Variants in CCNJL observed in about 807,000 individuals in gnomAD.
The protein encoded by CCNJL is cyclin J like, also known as cyclin-J-like protein.
CCNJL carries 33 observed loss-of-function variants against 33.4 expected under a neutral mutation model. The observed-to-expected ratio is 0.99, with a 90% CI of 0.75 to 1.32. CCNJL has a LOEUF of 1.32. CCNJL is among the 40% of genes most tolerant of loss of function. The probability of loss-of-function intolerance (pLI) is 0.00; values close to 1 mark genes in which losing one functional copy is unlikely to be tolerated. For synonymous variants in CCNJL, 227 were observed against 220.9 expected (o/e 1.03, Z -0.24); for missense variants, 512 against 499.7 (o/e 1.02, Z -0.23).
chr5:160,334,663 G>T (rs1057110354), intron 1 of CCNJL, among the ~76,000 whole-genome samples: 1 of 152,182 alleles, frequency 6.6e-6, no homozygotes, highest in Non-Finnish European at 1.5e-5. Flanking sequence ...TGATACTCAG[G>T]ACCACTACAC....
intron 1 of CCNJL, among the ~76,000 whole-genome samples, chr5:160,325,830 T>C (rs1763527441): frequency 6.6e-6 from 1 of 152,162 alleles, no homozygotes. Context: ...GTGGGCCAAA[T>C]CTGACCTGGA....
At chr5:160,307,580 G>A (rs1763131156) in intron 2 of CCNJL, among the ~76,000 whole-genome samples, 1 of 152,154 alleles carries the variant, frequency 6.6e-6, no homozygotes, top group Admixed American at 6.5e-5. Flanking sequence ...GCACAGACTT[G>A]GTTACCAGAA....
chr5:160,252,127 A>G lies in CCNJL; in HGVS notation c.*1251T>C, dbSNP rs1760831007. On this transcript the variant is annotated 3_prime_UTR_variant, in exon 6 of 6. Coordinates refer to ENST00000257536, the MANE Select transcript of CCNJL (RefSeq NM_001308173.3). ...GTGAACAATGTGTCCCCCAACCCCA[A>G]ACTAAACCAAAGAACATGCTGAGCA... 6.6e-6 allele frequency: 1 copy of G among 152,662 alleles called. No individual in the cohort carries two copies. The highest frequency in any genetic ancestry group is 1.5e-5 in the Non-Finnish European group (1 of 68,048). The allele number at this position is 152,662 out of a possible 1,614,324, so 9.5% of individuals were successfully genotyped here. A position where few individuals can be genotyped will look rare whatever the true frequency, so the allele number is the denominator to read the frequency against.
upstream of CCNJL, among the ~76,000 whole-genome samples, chr5:160,316,721 T>C (rs1763385270): frequency 6.6e-6 from 1 of 152,250 alleles, no homozygotes; most frequent in African/African-American, 2.4e-5. Context: ...CTACACATCC[T>C]TGTGTGCCTT....
At chr5:160,264,587 A>G (rs888429486) in intron 3 of CCNJL, among the ~76,000 whole-genome samples, 9 of 151,954 alleles carry the variant, frequency 5.9e-5, no homozygotes, top group African/African-American at 9.7e-5. Context: ...CACATAATAT[A>G]AAGTTTACCA....
rs749186098 is a variant in CCNJL, at chr5:160,280,594, T to C, written c.211A>G (p.Met71Val). Residue 71 changes from methionine to valine, a missense_variant, in exon 3 of 6, where the codon ATG becomes GTG. Coordinates refer to ENST00000257536, the MANE Select transcript of CCNJL (RefSeq NM_001308173.3). ...GAGGTGGTGACGTTGTAGCGATCCATGAAGTGGTCCAGCAGGTAGACGGCC... is the reference window on the plus strand; with the variant it reads ...GAGGTGGTGACGTTGTAGCGATCCACGAAGTGGTCCAGCAGGTAGACGGCC... ...HLAVYLLDHF[M>V]DRYNVTTSKQ... 12 of 1,613,360 alleles carry C rather than the reference T, an allele frequency of 7.4e-6. No homozygotes were observed. In the South Asian group the frequency reaches 1.1e-4, roughly 15 times the overall value.
chr5:160,332,290 C>T (rs999157842), intron 1 of CCNJL, among the ~76,000 whole-genome samples: 10 of 152,190 alleles, frequency 6.6e-5, no homozygotes, highest in East Asian at 3.9e-4. Context: ...CCAGGCCCCA[C>T]GACTTCCCTG....
chr5:160,313,894 C>T (rs1015984410), upstream of CCNJL, among the ~76,000 whole-genome samples: 6 of 152,218 alleles, frequency 3.9e-5, no homozygotes, highest in Admixed American at 3.9e-4. Context: ...TGGCGGGGCG[C>T]GGTGGCTCAC....
chr5:160,317,709 G>C (rs1047393437), upstream of CCNJL, among the ~76,000 whole-genome samples: 4 of 152,164 alleles, frequency 2.6e-5, no homozygotes, highest in Non-Finnish European at 5.9e-5. Flanking sequence ...CGGAAAGAAG[G>C]TGTTATCAGT....
chr5:160,327,337 G>T (rs1012195448), intron 1 of CCNJL, among the ~76,000 whole-genome samples: 2 of 152,220 alleles, frequency 1.3e-5, no homozygotes, highest in African/African-American at 2.4e-5. Context: ...GGGAGCATCA[G>T]TGAGCAAAAC....
chr5:160,294,345 C>T (rs1021488437), intron 2 of CCNJL, among the ~76,000 whole-genome samples: 8 of 152,212 alleles, frequency 5.3e-5, no homozygotes, highest in East Asian at 1.9e-4. Context: ...ATGCCCGTAA[C>T]GTCCCCTCCT....
intron 1 of CCNJL, chr5:160,339,337 A>G (rs1763721377): frequency 1.2e-5 from 4 of 323,186 alleles, no homozygotes; most frequent in Non-Finnish European, 2.4e-5. Context: ...TTGTAACTCT[A>G]TATAATGAGC....
At chr5:160,265,936 G>A (rs1162508640) in intron 3 of CCNJL, among the ~76,000 whole-genome samples, 5 of 151,768 alleles carry the variant, frequency 3.3e-5, no homozygotes, top group African/African-American at 1.2e-4. Context: ...AAGAATGGCC[G>A]CTCTCCTATT....
At chr5:160,281,037 T>C (rs747610538) in intron 2 of CCNJL, 88 of 453,908 alleles carry the variant, frequency 1.9e-4, no homozygotes, top group Non-Finnish European at 3.3e-4. Flanking sequence ...AATAAAGGCA[T>C]TGGGGTCAGA....
chr5:160,306,403 G>C (rs1763099238), intron 2 of CCNJL, among the ~76,000 whole-genome samples: 1 of 152,096 alleles, frequency 6.6e-6, no homozygotes, highest in Non-Finnish European at 1.5e-5. Context: ...TCTGGAGCAG[G>C]ATGAGAAGAC....
Position 160,259,533 on chromosome 5 carries a change from G to A in CCNJL, c.519C>T (p.Cys173=). 6.2e-7 allele frequency: 1 copy of A among 1,614,184 alleles called. No homozygotes were observed. Among genetic ancestry groups the A allele is most frequent in the Non-Finnish European group, 8.5e-7 (1 of 1,180,010 alleles). Residue 173 remains cysteine (C), a synonymous_variant, in exon 4 of 6, where the codon TGC becomes TGT. Coordinates refer to ENST00000257536, the MANE Select transcript of CCNJL (RefSeq NM_001308173.3). ...DHHCHTWPTT[C]PRKTKECLKE... is the part of the protein sequence containing the mutation. ...TGAGGCACTCTTTGGTCTTGCGGGG[G>A]CAGGTGGTGGGCCAGGTGTGGCAGT...
At chr5:160,285,155 A>C (rs1352303956) in intron 2 of CCNJL, among the ~76,000 whole-genome samples, 1 of 151,968 alleles carries the variant, frequency 6.6e-6, no homozygotes, top group Admixed American at 6.6e-5. Flanking sequence ...GCACCACTGC[A>C]CTCTAGCTTG....
intron 1 of CCNJL, among the ~76,000 whole-genome samples, chr5:160,318,369 A>G (rs1404225762): frequency 1.3e-5 from 2 of 152,208 alleles, no homozygotes; most frequent in African/African-American, 4.8e-5. Context: ...CACCCTACTC[A>G]ATATGATGTC....
intron 1 of CCNJL, among the ~76,000 whole-genome samples, chr5:160,337,581 T>G (rs914764218): frequency 1.3e-5 from 2 of 152,108 alleles, no homozygotes; most frequent in African/African-American, 4.8e-5. Flanking sequence ...CTCTGCTCCT[T>G]GAGCCAACCA....
Sources: allele counts gnomAD v4.1 joint callset (sites outside exome capture counted in the v4.1 genomes callset), GRCh38; gene constraint gnomAD v4.1.1; transcripts MANE v1.5; gene names NCBI Gene and HGNC (gene_info 2026-07-23, HGNC 2026-07-21).